KCNK5: variants seen among roughly 807,000 people sequenced by gnomAD.
KCNK5 encodes potassium two pore domain channel subfamily K member 5.
Under a neutral mutation model 32.9 loss-of-function variants are expected in KCNK5, and 18 were observed. That is an observed-to-expected ratio of 0.55 (90% CI 0.38 to 0.81). The LOEUF (loss-of-function observed/expected upper bound fraction) is 0.81. Ranked by LOEUF, KCNK5 falls within the 30% of genes least tolerant of loss-of-function variation. KCNK5 has a pLI of 0.00. For synonymous variants in KCNK5, 276 were observed against 275.3 expected (o/e 1.00, Z -0.03); for missense variants, 507 against 651.0 (o/e 0.78, Z 2.41).
At chr6:39,217,899 A>C (rs1771469672) in intron 1 of KCNK5, among the ~76,000 whole-genome samples, 1 of 152,088 alleles carries the variant, frequency 6.6e-6, no homozygotes, top group Non-Finnish European at 1.5e-5. Context: ...GGTTCAACAC[A>C]ATTTCAACTT....
At chr6:39,223,152 T>C (rs1053334716) in intron 1 of KCNK5, among the ~76,000 whole-genome samples, 1 of 152,204 alleles carries the variant, frequency 6.6e-6, no homozygotes, top group Non-Finnish European at 1.5e-5. Context: ...CATTGCAGCA[T>C]AGGAATATCT....
chr6:39,223,207 T>A (rs994069689), intron 1 of KCNK5, among the ~76,000 whole-genome samples: 2 of 152,202 alleles, frequency 1.3e-5, no homozygotes, highest in Non-Finnish European at 2.9e-5. Context: ...GCATTTACGA[T>A]GTGCCATACA....
In KCNK5 at chr6:39,229,441, A is replaced by G. The variant is rs1389033856; in HGVS notation, c.-330T>C. ...GGGCAGACACGTGGGCCGCTTCTCC[A>G]CGCGTCGCTCCTCCGCGCGCCACTA... On this transcript the variant is annotated 5_prime_UTR_variant, in exon 1 of 5. Coordinates refer to ENST00000359534, the MANE Select transcript of KCNK5 (RefSeq NM_003740.4). 3 of 275,288 alleles carry G rather than the reference A, an allele frequency of 1.1e-5. No homozygotes were observed. Among genetic ancestry groups the G allele is most frequent in the East Asian group, 1.6e-4 (2 of 12,740 alleles). The allele number at this position is 275,288 out of a possible 1,614,324, so 17.1% of individuals were successfully genotyped here.
At chr6:39,198,148 T>C (rs1248869179) in intron 1 of KCNK5, among the ~76,000 whole-genome samples, 1 of 152,250 alleles carries the variant, frequency 6.6e-6, no homozygotes, top group Non-Finnish European at 1.5e-5. Flanking sequence ...TTCTGTGGAA[T>C]GTAATCCATC....
chr6:39,194,425 G>C lies in KCNK5; in HGVS notation c.466-88C>G, dbSNP rs1770992966. 6.8e-7 allele frequency: 1 copy of C among 1,478,344 alleles called. No individual in the cohort carries two copies. Among genetic ancestry groups the C allele is most frequent in the Non-Finnish European group, 9.2e-7 (1 of 1,089,678 alleles). 91.6% of individuals were successfully genotyped at this position (1,478,344 alleles called of 1,614,324 possible). A position where few individuals can be genotyped will look rare whatever the true frequency, so the allele number is the denominator to read the frequency against. On this transcript the variant is annotated intron_variant, in intron 3 of 4. Coordinates refer to ENST00000359534, the MANE Select transcript of KCNK5 (RefSeq NM_003740.4). The surrounding 1 kb of genome is among the most constrained non-coding windows in gnomAD (Gnocchi z 4.7). ...CCAGAGGGCCAGGGAGGCAGCTAGA[G>C]GAGAAGCTAGCTGGGTACCCAGCCT...
rs1444522117 is a variant in KCNK5 at position 39,189,435 on chromosome 6, T to C, written c.*1455A>G. 1 of 152,550 alleles carries C rather than the reference T, an allele frequency of 6.6e-6. No individual in the cohort carries two copies. 9.4% of individuals were successfully genotyped at this position (152,550 alleles called of 1,614,324 possible). On this transcript the variant is annotated 3_prime_UTR_variant, in exon 5 of 5. Coordinates refer to ENST00000359534, the MANE Select transcript of KCNK5 (RefSeq NM_003740.4). Reference sequence around the variant, plus strand: ...GATGAGGTCACCGAAAAAGGCCCAATTGAGTTGCAGGGCAGGAGGGCAGAC... The same window carrying C: ...GATGAGGTCACCGAAAAAGGCCCAACTGAGTTGCAGGGCAGGAGGGCAGAC...
At chr6:39,215,114 A>G (rs894165568) in intron 1 of KCNK5, among the ~76,000 whole-genome samples, 3 of 152,026 alleles carry the variant, frequency 2.0e-5, no homozygotes, top group African/African-American at 7.3e-5. Flanking sequence ...GGTGAGTCCA[A>G]CTCTCTGGGC....
Position 39,191,380 on chromosome 6 carries a change from A to G in KCNK5, c.1010T>C (p.Leu337Pro), listed in dbSNP as rs778769993. The stretch of plus-strand genomic sequence containing the variant: ...TACCAGGGGCACCAGGGAAGGGGGC[A>G]GTGCTGGGAGCCCACCGCCTTGAGG... ...LGPQGGGLPA[L>P]PPSLVPLVVY... The change falls in exon 5 of 5, where the codon CTG becomes CCG. Residue 337 changes from leucine (L) to proline (P), a missense_variant. Around this residue, in one of 6 missense-constraint regions of KCNK5, gnomAD observed 252 missense variants for 250.8 expected, o/e 1.00. Coordinates refer to ENST00000359534, the MANE Select transcript of KCNK5 (RefSeq NM_003740.4). The surrounding 1 kb of genome is among the most constrained non-coding windows in gnomAD (Gnocchi z 5.8). 3.1e-6 allele frequency: 5 copies of G among 1,613,354 alleles called. No individual in the cohort carries two copies. In the African/African-American group the frequency reaches 6.7e-5, roughly 22 times the overall value.
chr6:39,202,357 C>T lies in KCNK5; in HGVS notation c.187-6370G>A, dbSNP rs1486860873. On this transcript the variant is annotated intron_variant, in intron 1 of 4. Coordinates refer to ENST00000359534, the MANE Select transcript of KCNK5 (RefSeq NM_003740.4). Reference sequence around the variant, plus strand: ...CAGGAAGGAGAGGCACAGACCCCAGCGGCGGCGGGGCTCACAGGGGCTGCT... The same window carrying T: ...CAGGAAGGAGAGGCACAGACCCCAGTGGCGGCGGGGCTCACAGGGGCTGCT... Among the ~76,000 whole-genome samples, 8 of 152,244 alleles carry T rather than the reference C, an allele frequency of 5.3e-5. No individual in the cohort carries two copies. The East Asian group carries it at 1.5e-3, about 29-fold the overall frequency.
intron 1 of KCNK5, among the ~76,000 whole-genome samples, chr6:39,218,042 C>T (rs1175223667): frequency 2.0e-5 from 3 of 150,780 alleles, no homozygotes; most frequent in Admixed American, 2.0e-4. Flanking sequence ...CCCCAAAATA[C>T]CATCAAGAGC....
At chr6:39,209,393 C>A (rs1242044962) in intron 1 of KCNK5, among the ~76,000 whole-genome samples, 1 of 152,144 alleles carries the variant, frequency 6.6e-6, no homozygotes, top group Non-Finnish European at 1.5e-5. Context: ...ATGCATTGCC[C>A]CCGCCCACCA....
At chr6:39,207,089 G>C (rs1469537489) in intron 1 of KCNK5, among the ~76,000 whole-genome samples, 1 of 152,158 alleles carries the variant, frequency 6.6e-6, no homozygotes, top group East Asian at 1.9e-4. Flanking sequence ...AGTCCCTCCG[G>C]CTCAGCAGTT....
rs188882647 is a variant in KCNK5, at chr6:39,200,183, T to C, written c.187-4196A>G. On this transcript the variant is annotated intron_variant, in intron 1 of 4. Coordinates refer to ENST00000359534, the MANE Select transcript of KCNK5 (RefSeq NM_003740.4). ...CTTTCGCGGGAGGAGGCGGCCCCTG[T>C]TCACTGGCTGGATTCTTTAACTTGG... Among the ~76,000 whole-genome samples, 4 of 152,304 alleles carry C rather than the reference T, an allele frequency of 2.6e-5. No individual in the cohort carries two copies. In the East Asian group the frequency reaches 7.7e-4, roughly 29 times the overall value.
chr6:39,211,158 T>C (rs1380282955), intron 1 of KCNK5, among the ~76,000 whole-genome samples: 2 of 152,172 alleles, frequency 1.3e-5, no homozygotes, highest in East Asian at 3.9e-4. Flanking sequence ...TCAGTGTACA[T>C]TATGAACCAT....
At position 39,190,773 on chromosome 6, in the gene KCNK5, C is replaced by CA. The variant is rs1460473462; in HGVS notation, c.*116dup. 1 of 1,046,516 alleles carries CA rather than the reference C, an allele frequency of 9.6e-7. No individual in the cohort carries two copies. Among genetic ancestry groups the CA allele is most frequent in the Non-Finnish European group, 1.3e-6 (1 of 764,506 alleles). The allele number at this position is 1,046,516 out of a possible 1,614,324, so 64.8% of individuals were successfully genotyped here. ...AAGGTTAGGAAGGCCCCTGGCCCCCCACTCCCAGTTCCGAGGCTGCCCCCC... is the reference window on the plus strand; with the variant it reads ...AAGGTTAGGAAGGCCCCTGGCCCCCCAACTCCCAGTTCCGAGGCTGCCCCCC... On this transcript the variant is annotated 3_prime_UTR_variant, in exon 5 of 5. Transcript: ENST00000359534.
rs953888842 is a variant in KCNK5, at chr6:39,228,870, C to T, written c.186+56G>A. Reference sequence around the variant, plus strand: ...CTGTGAAGGGGTCTTCCTTTCAGCGCCCCCTAAAGCTCAAGCCAGCTTCAG... The same window carrying T: ...CTGTGAAGGGGTCTTCCTTTCAGCGTCCCCTAAAGCTCAAGCCAGCTTCAG... On this transcript the variant is annotated intron_variant, in intron 1 of 4. Coordinates refer to ENST00000359534, the MANE Select transcript of KCNK5 (RefSeq NM_003740.4). The T allele has an allele frequency of 2.6e-6, 4 of 1,560,480 alleles. No individual in the cohort carries two copies. The African/African-American group carries it at 4.1e-5, about 16-fold the overall frequency.
intron 1 of KCNK5, among the ~76,000 whole-genome samples, chr6:39,226,913 C>G (rs763077402): frequency 3.5e-4 from 53 of 152,306 alleles, no homozygotes; most frequent in Non-Finnish European, 4.0e-4. Context: ...GCCTCCAAAG[C>G]AGACTGGCTT....
intron 1 of KCNK5, among the ~76,000 whole-genome samples, chr6:39,208,149 A>AT (rs1771262100): frequency 6.6e-6 from 1 of 152,264 alleles, no homozygotes; most frequent in African/African-American, 2.4e-5. Flanking sequence ...CTGATAAGAG[A>AT]TTATTAAGCC....
intron 1 of KCNK5, 88 bp downstream of exon 1, chr6:39,228,838 C>T (rs531005988): frequency 2.9e-6 from 4 of 1,356,822 alleles, no homozygotes; most frequent in Non-Finnish European, 3.1e-6. Flanking sequence ...CTGAGGGTCA[C>T]CCAAAGCTGT....
Sources: gnomAD v4.1 joint callset for allele counts (sites outside exome capture counted in the v4.1 genomes callset) on GRCh38, gnomAD v4.1.1 for gene constraint, gnomAD v4.1.1 regional missense constraint, Gnocchi (gnomAD v3.1) non-coding constraint, MANE v1.5 for transcripts, NCBI Gene and HGNC (gene_info 2026-07-23, HGNC 2026-07-21) for gene names.